MMP26: variants seen among roughly 807,000 people sequenced by gnomAD.
MMP26 encodes matrix metallopeptidase 26.
Under a neutral mutation model 31.0 loss-of-function variants are expected in MMP26, and 33 were observed. The ratio of observed to expected loss-of-function variants is 1.06; its 90% CI spans 0.81 to 1.42. MMP26 has a LOEUF of 1.42. Among genes scored for constraint, MMP26 ranks in the 40% most tolerant of loss-of-function variants. The pLI is 0.00. For missense variants in MMP26, 347 were observed against 316.1 expected, an observed-to-expected ratio of 1.10 and a Z score of -0.74; for synonymous variants, 122 against 114.9, an observed-to-expected ratio of 1.06 and a Z score of -0.40.
intron 2 of MMP26, chr11:4,915,764 T>C: frequency 1.4e-6 from 1 of 696,930 alleles, no homozygotes; most frequent in South Asian, 1.9e-5. Context: ...AGAAAAAAAA[T>C]AGAATCAAAT....
At chr11:4,756,261 C>T (rs1168084280) in intron 1 of MMP26, among the ~76,000 whole-genome samples, 2 of 151,820 alleles carry the variant, frequency 1.3e-5, no homozygotes, top group Non-Finnish European at 2.9e-5. Flanking sequence ...AGAAAAAATA[C>T]GGTGCAAATA....
intron 2 of MMP26, among the ~76,000 whole-genome samples, chr11:4,805,755 G>A (rs975861051): frequency 6.6e-6 from 1 of 152,170 alleles, no homozygotes; most frequent in African/African-American, 2.4e-5. Context: ...AGGCCATAGA[G>A]GTTGCCCTGC....
chr11:4,717,447 A>G (rs1847949349), intron 1 of MMP26, among the ~76,000 whole-genome samples: 1 of 152,328 alleles, frequency 6.6e-6, no homozygotes, highest in South Asian at 2.1e-4. Flanking sequence ...ACATAGTTGT[A>G]GCGGAAGAAG....
chr11:4,875,615 C>T (rs1850369030), intron 2 of MMP26: 1 of 152,122 alleles, frequency 6.6e-6, no homozygotes, highest in Admixed American at 6.6e-5. Context: ...CCTGCTCAAG[C>T]TGCCATCTTT....
intron 2 of MMP26, among the ~76,000 whole-genome samples, chr11:4,981,749 C>T (rs1206280959): frequency 6.6e-6 from 1 of 151,980 alleles, no homozygotes; most frequent in African/African-American, 2.4e-5. Context: ...TAAACACAAC[C>T]ACATTGTATA....
chr11:4,793,238 C>T (rs755060551), intron 2 of MMP26, among the ~76,000 whole-genome samples: 2 of 152,128 alleles, frequency 1.3e-5, no homozygotes, highest in Non-Finnish European at 2.9e-5. Context: ...GTAATTTCAT[C>T]GGATATTACC....
intron 2 of MMP26, among the ~76,000 whole-genome samples, chr11:4,901,180 A>C (rs1850796227): frequency 1.4e-5 from 1 of 72,946 alleles, no homozygotes; most frequent in Admixed American, 1.6e-4. Context: ...TTTTTTTGAG[A>C]CGGAGTCTCA....
chr11:4,726,062 G>T (rs1848094586), intron 1 of MMP26, among the ~76,000 whole-genome samples: 1 of 152,176 alleles, frequency 6.6e-6, no homozygotes, highest in African/African-American at 2.4e-5. Flanking sequence ...AGAACCTCTG[G>T]TGAGAAACCA....
intron 2 of MMP26, chr11:4,882,360 C>A: frequency 1.2e-6 from 2 of 1,613,852 alleles, no homozygotes; most frequent in Non-Finnish European, 1.7e-6. Flanking sequence ...TGCATTAGAC[C>A]AGCAGTTTTC....
At chr11:4,838,561 T>C (rs1414811421) in intron 2 of MMP26, among the ~76,000 whole-genome samples, 2 of 152,008 alleles carry the variant, frequency 1.3e-5, no homozygotes, top group Non-Finnish European at 1.5e-5. Context: ...ACAACTCTAA[T>C]ACTCACTCGT....
intron 2 of MMP26, among the ~76,000 whole-genome samples, chr11:4,768,280 A>G (rs980154335): frequency 6.6e-6 from 1 of 152,130 alleles, no homozygotes; most frequent in Non-Finnish European, 1.5e-5. Flanking sequence ...CCTCACCCCT[A>G]AAGCTTTTCT....
chr11:4,709,613 C>T (rs770373977), intron 1 of MMP26: 1 of 456,760 alleles, frequency 2.2e-6, no homozygotes, highest in Non-Finnish European at 4.4e-6. Context: ...CAGTCTTCTT[C>T]CTTACTGGCA....
chr11:4,904,863 C>T (rs926028803), intron 2 of MMP26, among the ~76,000 whole-genome samples: 3 of 152,082 alleles, frequency 2.0e-5, no homozygotes, highest in Non-Finnish European at 2.9e-5. Context: ...TTCCACGTGT[C>T]ATGTTGATGA....
chr11:4,907,340 T>C (rs780707636), intron 2 of MMP26: 3 of 1,444,630 alleles, frequency 2.1e-6, no homozygotes, highest in Non-Finnish European at 1.9e-6. Flanking sequence ...TGGTTTCAGA[T>C]CCGGCTAACG....
chr11:4,959,439 A>G (rs1229460505), intron 2 of MMP26, among the ~76,000 whole-genome samples: 1 of 152,096 alleles, frequency 6.6e-6, no homozygotes, highest in Non-Finnish European at 1.5e-5. Context: ...TAAAAGTCAG[A>G]AAAATCTTCC....
intron 1 of MMP26, among the ~76,000 whole-genome samples, chr11:4,739,251 T>C (rs929854628): frequency 1.3e-5 from 2 of 152,220 alleles, no homozygotes; most frequent in African/African-American, 2.4e-5. Context: ...TCTATCTTCA[T>C]CAAGGTAAAT....
intron 2 of MMP26, among the ~76,000 whole-genome samples, chr11:4,867,709 T>G (rs2133521910): frequency 6.6e-6 from 1 of 152,164 alleles, no homozygotes; most frequent in South Asian, 2.1e-4. Flanking sequence ...CTTACACTAG[T>G]CAGAATGGCT....
chr11:4,850,548 A>G (rs968775068), intron 2 of MMP26, among the ~76,000 whole-genome samples: 2 of 152,198 alleles, frequency 1.3e-5, no homozygotes, highest in African/African-American at 2.4e-5. Context: ...AAATGCCCAG[A>G]AAGATTGGAA....
chr11:4,736,453 G>A (rs540828358), intron 1 of MMP26: 1 of 152,276 alleles, frequency 6.6e-6, no homozygotes, highest in South Asian at 2.1e-4. Flanking sequence ...ATATAGGAGA[G>A]AAGAATAAAG....
Sources: gnomAD v4.1 joint callset for allele counts (sites outside exome capture counted in the v4.1 genomes callset) on GRCh38, gnomAD v4.1.1 for gene constraint, MANE v1.5 for transcripts, NCBI Gene and HGNC (gene_info 2026-07-23, HGNC 2026-07-21) for gene names.